Variants in COLEC10 observed in about 807,000 individuals in gnomAD.
COLEC10 encodes the protein collectin subfamily member 10.
COLEC10 carries 22 observed loss-of-function variants against 28.4 expected under a neutral mutation model. The observed-to-expected ratio is 0.78, with a 90% CI of 0.55 to 1.11. The LOEUF is 1.11. Ranked by LOEUF, COLEC10 falls within the 50% of genes least tolerant of loss-of-function variation. The pLI is 0.00. For missense variants in COLEC10, 361 were observed against 344.1 expected (o/e 1.05, Z -0.39); for synonymous variants, 125 against 116.1 (o/e 1.08, Z -0.49).
intron 1 of COLEC10, among the ~76,000 whole-genome samples, chr8:119,071,919 A>G (rs1363289083): frequency 6.6e-6 from 1 of 152,214 alleles, no homozygotes; most frequent in South Asian, 2.1e-4. Flanking sequence ...AAACCGTTGC[A>G]CATGCTCCCA....
chr8:118,988,464 GA>G, the COLEC10 span, among the ~76,000 whole-genome samples: 1 of 152,088 alleles, frequency 6.6e-6, no homozygotes. Flanking sequence ...TTTCACCTAA[GA>G]GGGGAAAGAC....
At chr8:119,097,988 C>A (rs956313425) in intron 3 of COLEC10, among the ~76,000 whole-genome samples, 1 of 151,982 alleles carries the variant, frequency 6.6e-6, no homozygotes, top group Non-Finnish European at 1.5e-5. Context: ...CATTGCTGTG[C>A]AAATATCACC....
rs549954573 is a variant in COLEC10, at chr8:119,107,840, A to G, written c.*1649A>G. On this transcript the variant is annotated 3_prime_UTR_variant, in exon 6 of 6. Coordinates refer to ENST00000332843, the MANE Select transcript of COLEC10 (RefSeq NM_006438.5). Reference sequence around the variant, plus strand: ...GAAGTCAGAAAGCTGGGACTTTGTAACATAAGCTCATATTTTAATATGTTG... The same window carrying G: ...GAAGTCAGAAAGCTGGGACTTTGTAGCATAAGCTCATATTTTAATATGTTG... Among the ~76,000 whole-genome samples, 7 of 152,322 alleles carry G rather than the reference A, an allele frequency of 4.6e-5. No individual in the cohort carries two copies. In the South Asian group the frequency reaches 1.4e-3, roughly 32 times the overall value.
At chr8:118,958,127 G>T in the COLEC10 span, among the ~76,000 whole-genome samples, 1 of 152,168 alleles carries the variant, frequency 6.6e-6, no homozygotes, top group Non-Finnish European at 1.5e-5. Flanking sequence ...ATGGGACTTG[G>T]CTCCAGAGGA....
At chr8:119,000,769 C>T (rs1045647836) in intron 1 of COLEC10, among the ~76,000 whole-genome samples, 12 of 152,150 alleles carry the variant, frequency 7.9e-5, no homozygotes, top group Admixed American at 2.6e-4. Flanking sequence ...GTTTCATATA[C>T]GTAAATGATT....
intron 3 of COLEC10, among the ~76,000 whole-genome samples, chr8:119,095,930 G>T (rs1473679188): frequency 6.6e-6 from 1 of 152,128 alleles, no homozygotes; most frequent in African/African-American, 2.4e-5. Flanking sequence ...TGAAGAGATA[G>T]ACAAATGAAT....
At chr8:119,021,870 C>T (rs1291569726) in intron 2 of COLEC10, among the ~76,000 whole-genome samples, 1 of 152,106 alleles carries the variant, frequency 6.6e-6, no homozygotes, top group African/African-American at 2.4e-5. Flanking sequence ...CTGTACAATG[C>T]AGCCAACATC....
At chr8:119,063,064 T>C (rs568040212), upstream of COLEC10, 1 of 152,218 alleles carries the variant, frequency 6.6e-6, no homozygotes, top group East Asian at 1.9e-4. Flanking sequence ...TATGCTGTTT[T>C]AACTAGTAAA....
chr8:119,019,485 C>T (rs2130103081), intron 2 of COLEC10, among the ~76,000 whole-genome samples: 1 of 152,298 alleles, frequency 6.6e-6, no homozygotes, highest in African/African-American at 2.4e-5. Flanking sequence ...TTCCGTCTTC[C>T]TGGAATGTCC....
At chr8:119,086,931 GC>G (rs1356673246) in intron 1 of COLEC10, among the ~76,000 whole-genome samples, 2 of 152,190 alleles carry the variant, frequency 1.3e-5, no homozygotes, top group East Asian at 3.8e-4. Flanking sequence ...GAGGACAAAT[GC>G]CCCTGTTTGA....
At chr8:119,078,165 T>C (rs1815292655) in intron 1 of COLEC10, among the ~76,000 whole-genome samples, 1 of 152,178 alleles carries the variant, frequency 6.6e-6, no homozygotes, top group African/African-American at 2.4e-5. Flanking sequence ...GGATTACATT[T>C]CAGCATGAGA....
chr8:119,068,560 G>T (rs1815019937), intron 1 of COLEC10: 1 of 152,138 alleles, frequency 6.6e-6, no homozygotes, highest in Admixed American at 6.5e-5. Context: ...TATTCCTGGG[G>T]TGTCATGGGG....
intron 1 of COLEC10, among the ~76,000 whole-genome samples, chr8:119,082,927 C>T (rs1022380800): frequency 1.6e-4 from 25 of 152,240 alleles, no homozygotes; most frequent in African/African-American, 5.5e-4. Flanking sequence ...CCCACAGCAG[C>T]GACTGTCAGC....
At chr8:118,987,632 A>G in the COLEC10 span, among the ~76,000 whole-genome samples, 1 of 152,096 alleles carries the variant, frequency 6.6e-6, no homozygotes, top group South Asian at 2.1e-4. Context: ...AAACATTTAA[A>G]CAATATCTTC....
At chr8:118,993,110 C>T (rs1290185535), upstream of COLEC10, among the ~76,000 whole-genome samples, 1 of 152,078 alleles carries the variant, frequency 6.6e-6, no homozygotes, top group Non-Finnish European at 1.5e-5. Flanking sequence ...ATGAGGAGTA[C>T]TAGAATTGTT....
chr8:119,102,223 CCT>C, intron 3 of COLEC10, 123 bp from the exon 4 acceptor site: 1 of 210,990 alleles, frequency 4.7e-6, no homozygotes, highest in Non-Finnish European at 9.6e-6. Context: ...TCCCTCCCTC[CCT>C]CCCTCCCTCC....
At chr8:119,035,785 G>C (rs1002779024) in intron 2 of COLEC10, among the ~76,000 whole-genome samples, 3 of 152,164 alleles carry the variant, frequency 2.0e-5, no homozygotes, top group African/African-American at 7.2e-5. Flanking sequence ...ACAAGCAGCG[G>C]TTATGTTAAC....
chr8:119,069,862 T>C (rs1815067994), intron 1 of COLEC10, among the ~76,000 whole-genome samples: 1 of 151,718 alleles, frequency 6.6e-6, no homozygotes, highest in African/African-American at 2.4e-5. Flanking sequence ...TTAATACTTT[T>C]CTTCATGGCT....
At chr8:119,011,126 T>G (rs1813894821) in intron 2 of COLEC10, among the ~76,000 whole-genome samples, 1 of 151,044 alleles carries the variant, frequency 6.6e-6, no homozygotes. Context: ...ATTTTACAAT[T>G]AGGTCTGTGA....
Sources: gnomAD v4.1 joint callset for allele counts (sites outside exome capture counted in the v4.1 genomes callset) on GRCh38, gnomAD v4.1.1 for gene constraint, MANE v1.5 for transcripts, NCBI Gene and HGNC (gene_info 2026-07-23, HGNC 2026-07-21) for gene names.